SLC12A7: variants seen among roughly 807,000 people sequenced by gnomAD.
SLC12A7 encodes K-Cl cotransporter 4.
In SLC12A7, 100 loss-of-function variants were observed where a neutral mutation model predicts 120.6. The ratio of observed to expected loss-of-function variants is 0.83; its 90% CI spans 0.71 to 0.98. The LOEUF is 0.98. Ranked by LOEUF, SLC12A7 falls within the 50% of genes least tolerant of loss-of-function variation. The probability of loss-of-function intolerance (pLI) is 0.00; values close to 1 mark genes in which losing one functional copy is unlikely to be tolerated. For synonymous variants in SLC12A7, 760 were observed against 678.0 expected (o/e 1.12, Z -1.88); for missense variants, 1,373 against 1,548.1 (o/e 0.89, Z 1.90).
the SLC12A7 span, among the ~76,000 whole-genome samples, chr5:1,125,379 GTTTA>G: frequency 4.6e-5 from 7 of 152,040 alleles, 1 homozygote; most frequent in South Asian, 1.0e-3. Context: ...CACTTTTTAA[GTTTA>G]TTTTAGTATT....
rs1739142097 is a variant in SLC12A7 at position 1,081,712 on chromosome 5, C to A, written c.1162G>T (p.Ala388Ser). The change falls in exon 9 of 24, where the codon GCG (alanine) becomes TCG (serine). Residue 388 changes from alanine (A) to serine (S), a missense_variant. Physicochemically the swap from Ala to Ser is moderately conservative, Grantham distance 99. Transcript: ENST00000264930. ...GGCACACCTTTCTTCTCCACAAACG[C>A]CCCCGCGTGCGCGTACGTACTCCAC... ...NLWSTYAHAG[A>S]FVEKKGVPSV... The A allele has an allele frequency of 6.2e-7, 1 of 1,612,942 alleles. No homozygotes were observed. Among genetic ancestry groups the A allele is most frequent in the Non-Finnish European group, 8.5e-7 (1 of 1,179,930 alleles).
chr5:1,064,152 G>A lies in SLC12A7; in HGVS notation c.2538C>T (p.Ile846=), dbSNP rs76539639. 3.7e-4 allele frequency: 600 copies of A among 1,612,122 alleles called. 3 individuals are homozygous for A. The African/African-American group carries it at 7.0e-3, about 19-fold the overall frequency. Residue 846 remains isoleucine (I), a synonymous_variant, in exon 19 of 24, where the codon ATC becomes ATT. Transcript: ENST00000264930. ...QNQERFGGGH[I]DVWWIVHDGG... ...CGTCGTGCACGATCCACCACACGTC[G>A]ATGTGGCCCCCGCCGAAGCGCTCCT...
At chr5:1,053,255 C>T (rs1461338592) in intron 23 of SLC12A7, 94 bp downstream of exon 23, 1 of 1,448,648 alleles carries the variant, frequency 6.9e-7, no homozygotes, top group African/African-American at 1.4e-5. Flanking sequence ...GGCGGGAAGC[C>T]AGCCTCACTC....
intron 20 of SLC12A7, chr5:1,063,104 C>T (rs73731149): frequency 0.05 from 7,603 of 152,446 alleles, 190 homozygotes; most frequent in Non-Finnish European, 0.059. Flanking sequence ...GCTTGGGGGC[C>T]GGGGGCAAGC....
intron 1 of SLC12A7, among the ~76,000 whole-genome samples, chr5:1,103,515 C>T (rs145758352): frequency 2.6e-5 from 4 of 152,338 alleles, no homozygotes; most frequent in African/African-American, 9.6e-5. Context: ...ACGGAAGACA[C>T]TCTCCATACC....
Position 1,083,914 on chromosome 5 carries a change from G to A in SLC12A7, c.960C>T (p.Phe320=), listed in dbSNP as rs780327712. ...TGCCGTAGGCCTTGACGCAGGCATC[G>A]AAGCTGCGCCGTGACAGCGTGCGGT... The part of the protein sequence containing the change: ...LGNRTLSRRS[F]DACVKAYGIH... The change falls in exon 8 of 24, where the codon TTC becomes TTT. Residue 320 remains phenylalanine (F), a synonymous_variant. Coordinates refer to ENST00000264930, the MANE Select transcript of SLC12A7 (RefSeq NM_006598.3). 1.0e-5 allele frequency: 16 copies of A among 1,606,822 alleles called. No individual in the cohort carries two copies. Among genetic ancestry groups the A allele is most frequent in the Middle Eastern group, 3.6e-4 (2 of 5,560 alleles).
Position 1,083,806 on chromosome 5 carries a change from GAAGT to G in SLC12A7, c.1064_1067del (p.Tyr355SerfsTer76). ...GGATTTCGGTGACGTTGTTCTGGATGAAGTACTCGTCACAGGCGGCGCTGGGCTG... is the reference window on the plus strand; with the variant it reads ...GGATTTCGGTGACGTTGTTCTGGATGACTCGTCACAGGCGGCGCTGGGCTG... On this transcript the variant is annotated frameshift_variant, in exon 8 of 24. Coordinates refer to ENST00000264930, the MANE Select transcript of SLC12A7 (RefSeq NM_006598.3). LOFTEE classifies it high-confidence loss of function. 5 of 1,612,128 alleles carry G rather than the reference GAAGT, an allele frequency of 3.1e-6. No individual in the cohort carries two copies. The highest frequency in any genetic ancestry group is 4.2e-6 in the Non-Finnish European group (5 of 1,179,468).
the SLC12A7 span, among the ~76,000 whole-genome samples, chr5:1,155,758 CG>C: frequency 6.6e-6 from 1 of 150,690 alleles, no homozygotes; most frequent in Non-Finnish European, 1.5e-5. Context: ...GGGTCCAGGC[CG>C]GGGTCGGGGG....
chr5:1,125,923 C>CAAAAAAAAA, the SLC12A7 span, among the ~76,000 whole-genome samples: 17 of 100,618 alleles, frequency 1.7e-4, no homozygotes, highest in African/African-American at 5.2e-4. Context: ...GGCCCTGCCT[C>CAAAAAAAAA]AAAAAAAAAA....
chr5:1,075,742 C>CG (rs1738259267), intron 14 of SLC12A7: 1 of 534,032 alleles, frequency 1.9e-6, no homozygotes, highest in African/African-American at 1.9e-5. Flanking sequence ...CACAGCACCT[C>CG]GGCTGTGCAT....
chr5:1,082,043 C>CTA (rs1561072233), intron 8 of SLC12A7, among the ~76,000 whole-genome samples: 2 of 123,438 alleles, frequency 1.6e-5, no homozygotes, highest in African/African-American at 2.8e-5. Flanking sequence ...CTTCCCGTCT[C>CTA]GGGTTCTGGA....
At chr5:1,128,236 G>A in the SLC12A7 span, among the ~76,000 whole-genome samples, 1 of 152,228 alleles carries the variant, frequency 6.6e-6, no homozygotes, top group African/African-American at 2.4e-5. Context: ...CAGCTCCTGT[G>A]GGACCAGGGT....
the SLC12A7 span, among the ~76,000 whole-genome samples, chr5:1,130,773 G>A: frequency 6.6e-6 from 1 of 152,194 alleles, no homozygotes; most frequent in Non-Finnish European, 1.5e-5. Context: ...GACGCAGGTG[G>A]GCGGGTGGTG....
chr5:1,123,122 C>T, the SLC12A7 span, among the ~76,000 whole-genome samples: 4 of 152,328 alleles, frequency 2.6e-5, no homozygotes, highest in South Asian at 2.1e-4. Context: ...AAGCAGGGCA[C>T]GCTCGGGCTC....
At chr5:1,089,169 C>T in intron 3 of SLC12A7, 41 bp from the exon 4 acceptor site, 1 of 1,598,216 alleles carries the variant, frequency 6.3e-7, no homozygotes. Flanking sequence ...TCGTACCCCA[C>T]ACCCAGAGGG....
At chr5:1,138,551 C>G in the SLC12A7 span, among the ~76,000 whole-genome samples, 4 of 152,228 alleles carry the variant, frequency 2.6e-5, no homozygotes, top group African/African-American at 9.6e-5. Flanking sequence ...GTGTGCCTCT[C>G]TCCTCGTCTG....
the SLC12A7 span, among the ~76,000 whole-genome samples, chr5:1,127,862 A>G: frequency 6.6e-6 from 1 of 152,164 alleles, no homozygotes; most frequent in Admixed American, 6.5e-5. Context: ...AAAAAGAAGT[A>G]ATTTTGCACA....
the SLC12A7 span, among the ~76,000 whole-genome samples, chr5:1,135,232 G>T: frequency 6.6e-6 from 1 of 152,210 alleles, no homozygotes; most frequent in East Asian, 1.9e-4. Flanking sequence ...TGTGGGGCCA[G>T]CCAGAACCTT....
the SLC12A7 span, among the ~76,000 whole-genome samples, chr5:1,149,091 G>C: frequency 7.3e-6 from 1 of 136,264 alleles, no homozygotes; most frequent in Admixed American, 7.3e-5. Context: ...ATGTCTCTCT[G>C]AGCCCCTACA....
Sources: allele counts gnomAD v4.1 joint callset (sites outside exome capture counted in the v4.1 genomes callset), GRCh38; gene constraint gnomAD v4.1.1; transcripts MANE v1.5; gene names NCBI Gene and HGNC (gene_info 2026-07-23, HGNC 2026-07-21).